The following PACRG variants were observed in gnomAD, a reference collection of about 807,000 sequenced individuals.
PACRG encodes the protein parkin coregulated.
PACRG carries 29 observed loss-of-function variants against 29.7 expected under a neutral mutation model. That is an observed-to-expected ratio of 0.98 (90% confidence interval 0.73 to 1.33). The LOEUF is 1.33. Among genes scored for constraint, PACRG ranks in the 40% most tolerant of loss-of-function variants. The pLI is 0.00. For synonymous variants in PACRG, 116 were observed against 118.7 expected (o/e 0.98, Z 0.15); for missense variants, 279 against 316.2 (o/e 0.88, Z 0.89).
At chr6:163,037,349 A>G (rs1414818619) in intron 2 of PACRG, among the ~76,000 whole-genome samples, 1 of 152,098 alleles carries the variant, frequency 6.6e-6, no homozygotes, top group Admixed American at 6.5e-5. Flanking sequence ...CACTCCTACA[A>G]ATGTTCGGCT....
At chr6:163,289,517 T>C (rs1398809660) in intron 4 of PACRG, among the ~76,000 whole-genome samples, 1 of 152,202 alleles carries the variant, frequency 6.6e-6, no homozygotes, top group African/African-American at 2.4e-5. Context: ...TAAGATTTCA[T>C]TTGAAATAGA....
intron 4 of PACRG, among the ~76,000 whole-genome samples, chr6:163,307,985 A>G (rs1238993138): frequency 1.3e-5 from 2 of 152,232 alleles, no homozygotes; most frequent in Non-Finnish European, 2.9e-5. Context: ...ATTCTAAAAC[A>G]GGTAACACTA....
At chr6:162,750,045 A>G (rs1352443351) in intron 1 of PACRG, among the ~76,000 whole-genome samples, 1 of 152,138 alleles carries the variant, frequency 6.6e-6, no homozygotes, top group Non-Finnish European at 1.5e-5. Context: ...TGATTACCCA[A>G]TGTGTACTGA....
intron 4 of PACRG, among the ~76,000 whole-genome samples, chr6:163,255,727 C>A (rs1018393983): frequency 9.9e-5 from 15 of 152,156 alleles, no homozygotes; most frequent in African/African-American, 3.1e-4. Flanking sequence ...ACCTCTGCCT[C>A]CCGGGTTCAA....
intron 2 of PACRG, among the ~76,000 whole-genome samples, chr6:162,935,597 A>G (rs1381701985): frequency 1.3e-5 from 2 of 151,698 alleles, no homozygotes; most frequent in Non-Finnish European, 2.9e-5. Context: ...TTGGATAATG[A>G]ATTATTTTCC....
intron 2 of PACRG, among the ~76,000 whole-genome samples, chr6:162,843,001 C>T (rs1789946498): frequency 1.5e-5 from 2 of 135,088 alleles, no homozygotes; most frequent in African/African-American, 5.7e-5. Flanking sequence ...TGAGGGTAAC[C>T]CGACCTTTCT....
intron 1 of PACRG, among the ~76,000 whole-genome samples, chr6:162,771,185 G>A (rs1403099590): frequency 2.0e-5 from 3 of 152,194 alleles, no homozygotes; most frequent in African/African-American, 7.2e-5. Context: ...CCTTGTTATT[G>A]CCATTCAAGT....
At chr6:163,209,913 T>A (rs948038006) in intron 4 of PACRG, among the ~76,000 whole-genome samples, 6 of 152,126 alleles carry the variant, frequency 3.9e-5, no homozygotes, top group Middle Eastern at 3.2e-3. Context: ...TCAATTGAAA[T>A]CAACCCTCCA....
intron 4 of PACRG, among the ~76,000 whole-genome samples, chr6:163,269,982 AGAAAGAAAGAAAGAAAGAAAGAAAGGAG>A (rs1201772987): frequency 2.6e-4 from 30 of 113,792 alleles, no homozygotes; most frequent in African/African-American, 4.9e-4. Context: ...AAAGAAAGAA[AGAAAGAAAGAAAGAAAGAAAGAAAGGAG>A]GGAGGGAGGG....
intron 2 of PACRG, among the ~76,000 whole-genome samples, chr6:162,890,599 G>C (rs143977200): frequency 1.3e-5 from 2 of 152,154 alleles, no homozygotes; most frequent in Non-Finnish European, 2.9e-5. Context: ...CCCCTCCTCA[G>C]GGTCACTTAG....
intron 2 of PACRG, among the ~76,000 whole-genome samples, chr6:162,880,094 C>G (rs924019459): frequency 6.6e-6 from 1 of 152,128 alleles, no homozygotes; most frequent in African/African-American, 2.4e-5. Flanking sequence ...CTCCAACACC[C>G]CCTTCTGTGG....
intron 3 of PACRG, among the ~76,000 whole-genome samples, chr6:163,064,733 C>T (rs1045954451): frequency 5.3e-5 from 8 of 152,126 alleles, no homozygotes; most frequent in African/African-American, 1.4e-4. Context: ...ATTGACATAA[C>T]GTATAACATC....
intron 1 of PACRG, among the ~76,000 whole-genome samples, chr6:162,748,763 A>G (rs1781291028): frequency 1.3e-5 from 2 of 152,130 alleles, no homozygotes; most frequent in Non-Finnish European, 2.9e-5. Context: ...TTTTTATTTC[A>G]AATATTAAAA....
At chr6:163,205,081 T>C (rs1013797136) in intron 4 of PACRG, among the ~76,000 whole-genome samples, 2 of 152,152 alleles carry the variant, frequency 1.3e-5, no homozygotes, top group Non-Finnish European at 2.9e-5. Flanking sequence ...CACAAACAAA[T>C]GGAAAAACAT....
At chr6:162,974,830 C>T (rs1312117200) in intron 2 of PACRG, among the ~76,000 whole-genome samples, 1 of 152,164 alleles carries the variant, frequency 6.6e-6, no homozygotes, top group Admixed American at 6.5e-5. Context: ...TCTTATAACT[C>T]GTTAGTGATG....
intron 2 of PACRG, among the ~76,000 whole-genome samples, chr6:162,924,086 A>AT (rs1214693383): frequency 1.3e-5 from 2 of 151,934 alleles, no homozygotes; most frequent in African/African-American, 4.8e-5. Context: ...TGTAGTTTTC[A>AT]TCATAGAGAT....
chr6:162,979,733 T>C (rs1240353789), intron 2 of PACRG, among the ~76,000 whole-genome samples: 1 of 152,146 alleles, frequency 6.6e-6, no homozygotes, highest in Non-Finnish European at 1.5e-5. Context: ...TTTTTTAGCT[T>C]TACTTTGAGC....
chr6:163,227,853 T>C (rs1490640054), intron 4 of PACRG, among the ~76,000 whole-genome samples: 2 of 152,098 alleles, frequency 1.3e-5, no homozygotes, highest in Non-Finnish European at 2.9e-5. Context: ...CCACCAGCCA[T>C]AGGTTATGAT....
chr6:162,863,280 C>T (rs1792017749), intron 2 of PACRG, among the ~76,000 whole-genome samples: 1 of 152,222 alleles, frequency 6.6e-6, no homozygotes, highest in South Asian at 2.1e-4. Context: ...TGGTTTCCCC[C>T]ATTTGTAAAA....
Sources: gnomAD v4.1 joint callset for allele counts (sites outside exome capture counted in the v4.1 genomes callset) on GRCh38, gnomAD v4.1.1 for gene constraint, MANE v1.5 for transcripts, NCBI Gene and HGNC (gene_info 2026-07-23, HGNC 2026-07-21) for gene names.